The following METTL4 variants were observed in gnomAD, a reference collection of about 807,000 sequenced individuals.
The protein encoded by METTL4 is N(6)-adenine-specific methyltransferase METTL4.
Under a neutral mutation model 54.0 loss-of-function variants are expected in METTL4, and 40 were observed. The observed-to-expected ratio is 0.74, with a 90% CI of 0.58 to 0.96. METTL4 has a LOEUF of 0.96. Among genes scored for constraint, METTL4 ranks in the 50% least tolerant of loss-of-function variants. The pLI is 0.00. For missense variants in METTL4, 525 were observed against 549.0 expected, an observed-to-expected ratio of 0.96 and a Z score of 0.44; for synonymous variants, 169 against 183.8, an observed-to-expected ratio of 0.92 and a Z score of 0.65.
chr18:2,557,597 T>C (rs76960328), intron 3 of METTL4, among the ~76,000 whole-genome samples: 10,439 of 152,242 alleles, frequency 0.069, 598 homozygotes, highest in African/African-American at 0.16. Context: ...ACAGGTTTGT[T>C]TGCAACCCAC....
intron 2 of METTL4, among the ~76,000 whole-genome samples, chr18:2,566,005 C>G (rs1361657985): frequency 6.7e-6 from 1 of 148,512 alleles, no homozygotes; most frequent in Admixed American, 6.8e-5. Context: ...TGAGATAGCA[C>G]CACTGCACTC....
intron 8 of METTL4, chr18:2,540,723 C>T: frequency 1.4e-5 from 14 of 985,376 alleles, no homozygotes; most frequent in Non-Finnish European, 1.6e-5. Flanking sequence ...CATGGAAGAA[C>T]TTTTCCATTT....
chr18:2,558,997 C>G (rs1156355216), intron 3 of METTL4, among the ~76,000 whole-genome samples: 12 of 152,132 alleles, frequency 7.9e-5, no homozygotes, highest in Non-Finnish European at 1.5e-4. Flanking sequence ...GAAACTGGAG[C>G]CCTTGGGTAT....
At chr18:2,547,833 A>G (rs2644174) in intron 5 of METTL4, among the ~76,000 whole-genome samples, 64,848 of 151,982 alleles carry the variant, frequency 0.43, 14,005 homozygotes, top group Middle Eastern at 0.48. Context: ...AAAATTAAGC[A>G]AATATTGTTG....
At chr18:2,568,578 G>C (rs543046493) in intron 1 of METTL4, 1 of 152,172 alleles carries the variant, frequency 6.6e-6, no homozygotes, top group Non-Finnish European at 1.5e-5. Flanking sequence ...ATGGTGAAAC[G>C]CTGCGTCTAC....
At chr18:2,540,513 T>C (rs1405650744) in intron 8 of METTL4, 14 of 985,280 alleles carry the variant, frequency 1.4e-5, no homozygotes, top group Admixed American at 6.1e-5. Context: ...TGTCAGAAAG[T>C]ACTGGTCCTG....
In METTL4 at chr18:2,554,929, G is replaced by T; in HGVS notation, c.569C>A (p.Thr190Asn). ...EKQDKGSKPI[T>N]LPLDACSLSE... is the part of the protein sequence containing the mutation. ...CAAACTGCAGGCGTCAAGTGGTAAAGTAATGGGCTTACTACCCTTGTCCTG... is the reference window on the plus strand; with the variant it reads ...CAAACTGCAGGCGTCAAGTGGTAAATTAATGGGCTTACTACCCTTGTCCTG... Residue 190 changes from threonine (T) to asparagine (N), a missense_variant, in exon 4 of 9, where the codon ACT (threonine) becomes AAT (asparagine). By Grantham distance (65) the Thr-to-Asn change is moderately conservative (BLOSUM62 0). Transcript: ENST00000574538. 6.2e-7 allele frequency: 1 copy of T among 1,614,092 alleles called. No homozygotes were observed. The highest frequency in any genetic ancestry group is 8.5e-7 in the Non-Finnish European group (1 of 1,179,962).
At chr18:2,569,622 A>G (rs1412984642) in intron 1 of METTL4, among the ~76,000 whole-genome samples, 1 of 151,882 alleles carries the variant, frequency 6.6e-6, no homozygotes, top group Non-Finnish European at 1.5e-5. Context: ...TGCTCCTTCC[A>G]AACCACTGTC....
intron 3 of METTL4, among the ~76,000 whole-genome samples, chr18:2,559,751 T>C (rs1168842877): frequency 2.0e-5 from 3 of 152,150 alleles, no homozygotes; most frequent in Non-Finnish European, 4.4e-5. Flanking sequence ...GTTTTTTATT[T>C]TTTCGAGAGG....
At position 2,544,772 on chromosome 18, in the gene METTL4, A is replaced by C. The variant is rs963078546; in HGVS notation, c.1075-13T>G. On this transcript the variant is annotated splice_polypyrimidine_tract_variant and intron_variant, in intron 6 of 8. Coordinates refer to ENST00000574538, the MANE Select transcript of METTL4 (RefSeq NM_022840.5). ...CTGAATTGGTTATCTGATAGGAAGG[A>C]GCCAACAAAAGAGGGTTATTTTTTC... is the stretch of plus-strand genomic sequence containing the variant. 6.4e-7 allele frequency: 1 copy of C among 1,565,116 alleles called. No individual in the cohort carries two copies.
chr18:2,569,494 C>T (rs1355600395), intron 1 of METTL4, among the ~76,000 whole-genome samples: 5 of 151,948 alleles, frequency 3.3e-5, no homozygotes, highest in African/African-American at 7.3e-5. Flanking sequence ...TCCCTTCCTC[C>T]CACCCCCACC....
intron 3 of METTL4, among the ~76,000 whole-genome samples, chr18:2,557,439 G>T (rs72857032): frequency 0.33 from 50,253 of 152,100 alleles, 9,853 homozygotes; most frequent in East Asian, 0.64. Context: ...CTGAGTCTCT[G>T]AGCAGAGGCA....
At position 2,540,389 on chromosome 18, in the gene METTL4, GA is replaced by G. The variant is rs752206672; in HGVS notation, c.1274-1245del. On this transcript the variant is annotated intron_variant, in intron 8 of 8. Transcript: ENST00000574538. ...GAAGAAATCTATCAAATTTAGGAAT[GA>G]TAAGGGTTCTTTAGGAATACTAGAG... is the stretch of plus-strand genomic sequence containing the variant. The G allele has an allele frequency of 1.2e-3, 1,158 of 979,736 alleles. 2 individuals are homozygous for G. The highest frequency in any genetic ancestry group is 1.3e-3 in the Non-Finnish European group (1,083 of 824,898). The allele number at this position is 979,736 out of a possible 1,614,324, so 60.7% of individuals were successfully genotyped here. A position where few individuals can be genotyped will look rare whatever the true frequency, so the allele number is the denominator to read the frequency against.
chr18:2,540,781 G>A (rs944330367), intron 8 of METTL4: 2 of 985,268 alleles, frequency 2.0e-6, no homozygotes, highest in Non-Finnish European at 2.4e-6. Context: ...ACTTTAATGT[G>A]GTCTCAGGTT....
rs1160483317 is a variant in METTL4 at position 2,567,280 on chromosome 18, A to G, written c.-64T>C. The G allele has an allele frequency of 7.0e-7, 1 of 1,424,942 alleles. No individual in the cohort carries two copies. Among genetic ancestry groups the G allele is most frequent in the Non-Finnish European group, 9.5e-7 (1 of 1,053,612 alleles). 88.3% of individuals were successfully genotyped at this position (1,424,942 alleles called of 1,614,324 possible). A position where few individuals can be genotyped will look rare whatever the true frequency, so the allele number is the denominator to read the frequency against. On this transcript the variant is annotated 5_prime_UTR_variant, in exon 2 of 9. Coordinates refer to ENST00000574538, the MANE Select transcript of METTL4 (RefSeq NM_022840.5). ...GAATGAAAATCCAACTTTCCAGATC[A>G]GCTTCTTAAATATCTTGTATTTCAA...
rs913701891 is a variant in METTL4 at position 2,539,964 on chromosome 18, A to G, written c.1274-819T>C. On this transcript the variant is annotated intron_variant, in intron 8 of 8. Coordinates refer to ENST00000574538, the MANE Select transcript of METTL4 (RefSeq NM_022840.5). ...AGAACAAATAACTAACATTTAAATA[A>G]CTAGCCCCCTTAGCAGTAAATTGGT... 15 of 974,962 alleles carry G rather than the reference A, an allele frequency of 1.5e-5. No individual in the cohort carries two copies. In the African/African-American group the frequency reaches 2.6e-4, roughly 17 times the overall value. 60.4% of individuals were successfully genotyped at this position (974,962 alleles called of 1,614,324 possible). A position where few individuals can be genotyped will look rare whatever the true frequency, so the allele number is the denominator to read the frequency against.
rs1248826049 is a variant in METTL4, at chr18:2,537,773, A to G, written c.*1227T>C. On this transcript the variant is annotated 3_prime_UTR_variant, in exon 9 of 9. Transcript: ENST00000574538. Reference sequence around the variant, plus strand: ...TGTCAACAATCTGTAAATAGTATAAATGCTTTTCTCAAAATGCTACGTGAA... The same window carrying G: ...TGTCAACAATCTGTAAATAGTATAAGTGCTTTTCTCAAAATGCTACGTGAA... 2 of 397,916 alleles carry G rather than the reference A, an allele frequency of 5.0e-6. No homozygotes were observed. Among genetic ancestry groups the G allele is most frequent in the Non-Finnish European group, 8.9e-6 (2 of 225,776 alleles). 24.6% of individuals were successfully genotyped at this position (397,916 alleles called of 1,614,324 possible).
In METTL4 at chr18:2,566,998, A is replaced by G. The variant is rs2072429239; in HGVS notation, c.219T>C (p.Asn73=). Residue 73 remains asparagine, a synonymous_variant, in exon 2 of 9, where the codon AAT becomes AAC. Coordinates refer to ENST00000574538, the MANE Select transcript of METTL4 (RefSeq NM_022840.5). ...ACATTTCATAATTTCCTCCATCATCATTCTCTGGCTTAGTGGAAGAGTCAG... is the reference window on the plus strand; with the variant it reads ...ACATTTCATAATTTCCTCCATCATCGTTCTCTGGCTTAGTGGAAGAGTCAG... ...IASDSSTKPE[N]DDGGNYEMFT... is the part of the protein sequence containing the mutation. 6.2e-7 allele frequency: 1 copy of G among 1,614,164 alleles called. No individual in the cohort carries two copies. The highest frequency in any genetic ancestry group is 1.3e-5 in the African/African-American group (1 of 75,062).
chr18:2,554,657 AT>A lies in METTL4; in HGVS notation c.829+11del. On this transcript the variant is annotated intron_variant, in intron 4 of 8. Coordinates refer to ENST00000574538, the MANE Select transcript of METTL4 (RefSeq NM_022840.5). ...TTATCTTTTTCTAATAACAAACACA[AT>A]AATTACTTACAGTTTAGAAGTGGTT... 6.3e-7 allele frequency: 1 copy of A among 1,582,298 alleles called. No individual in the cohort carries two copies. Among genetic ancestry groups the A allele is most frequent in the South Asian group, 1.2e-5 (1 of 85,984 alleles).
Sources: gnomAD v4.1 joint callset for allele counts (sites outside exome capture counted in the v4.1 genomes callset) on GRCh38, gnomAD v4.1.1 for gene constraint, MANE v1.5 for transcripts, NCBI Gene and HGNC (gene_info 2026-07-23, HGNC 2026-07-21) for gene names.